DNA2: variants seen among roughly 807,000 people sequenced by gnomAD.
The protein encoded by DNA2 is DNA replication helicase/nuclease 2.
Under a neutral mutation model 119.1 loss-of-function variants are expected in DNA2, and 101 were observed. That is an observed-to-expected ratio of 0.85 (90% CI 0.72 to 1.00). The LOEUF is 1.00. DNA2 is among the 50% of genes least tolerant of loss of function. The pLI, the probability that DNA2 is intolerant of heterozygous loss-of-function variation, is 0.00. For synonymous variants in DNA2, 366 were observed against 424.4 expected, an observed-to-expected ratio of 0.86 and a Z score of 1.69; for missense variants, 1,121 against 1,255.5, an observed-to-expected ratio of 0.89 and a Z score of 1.62.
intron 7 of DNA2, among the ~76,000 whole-genome samples, chr10:68,446,034 G>A (rs939384748): frequency 6.6e-6 from 1 of 152,052 alleles, no homozygotes; most frequent in African/African-American, 2.4e-5. Flanking sequence ...TGAGGCAGGA[G>A]AATCGATTCA....
At chr10:68,464,949 T>G (rs2052309431) in intron 4 of DNA2, among the ~76,000 whole-genome samples, 1 of 151,348 alleles carries the variant, frequency 6.6e-6, no homozygotes, top group South Asian at 2.1e-4. Context: ...GCCCAGTCGT[T>G]TGAGTACAGC....
In DNA2 at chr10:68,445,150, T is replaced by C. The variant is rs1590063575; in HGVS notation, c.1058-67A>G. ...AGTTTATCATGTCTTTTTCACTACA[T>C]ATGTAAAACTTGCAGATTTAAAAAC... On this transcript the variant is annotated intron_variant, in intron 7 of 20. Transcript: ENST00000358410. 1.5e-5 allele frequency: 21 copies of C among 1,400,142 alleles called. No homozygotes were observed. In the East Asian group the frequency reaches 4.4e-4, roughly 29 times the overall value. 86.7% of individuals were successfully genotyped at this position (1,400,142 alleles called of 1,614,324 possible).
intron 9 of DNA2, among the ~76,000 whole-genome samples, chr10:68,439,326 G>A (rs1008974828): frequency 1.3e-5 from 2 of 151,848 alleles, no homozygotes; most frequent in African/African-American, 2.4e-5. Flanking sequence ...CCTCGGAGGC[G>A]GAGGTTGTGG....
chr10:68,425,809 CA>C (rs59128210), intron 14 of DNA2, among the ~76,000 whole-genome samples: 7 of 144,546 alleles, frequency 4.8e-5, no homozygotes, highest in Non-Finnish European at 7.6e-5. Context: ...TTTCATAATT[CA>C]AAAAAAAAAC....
chr10:68,436,096 A>C (rs2133385200), intron 10 of DNA2, among the ~76,000 whole-genome samples: 1 of 152,344 alleles, frequency 6.6e-6, no homozygotes, highest in East Asian at 1.9e-4. Context: ...AAATGAAAGT[A>C]TGTCTACCTA....
chr10:68,465,053 T>C (rs71493814), intron 4 of DNA2, among the ~76,000 whole-genome samples: 25,319 of 147,890 alleles, frequency 0.17, 2,675 homozygotes, highest in African/African-American at 0.3. Context: ...GAGTCTTGCT[T>C]TGTCACCCAG....
chr10:68,471,961 A>G lies in DNA2; in HGVS notation c.-97T>C, dbSNP rs1449701672. 1.9e-6 allele frequency: 3 copies of G among 1,612,384 alleles called. No homozygotes were observed. The highest frequency in any genetic ancestry group is 1.7e-5 in the Admixed American group (1 of 59,970). On this transcript the variant is annotated 5_prime_UTR_variant, in exon 1 of 21. Transcript: ENST00000358410. ...AAGGGAAAAAGGCGCGAGCCTGCGC[A>G]CCTCGCGCGCATGCGCCAACCCGCA...
rs535211389 is a variant in DNA2 at position 68,468,031 on chromosome 10, G to C, written c.441+92C>G. 844 of 971,156 alleles carry C rather than the reference G, an allele frequency of 8.7e-4. 4 individuals carry two copies. In the Middle Eastern group the frequency reaches 9.1e-3, roughly 10 times the overall value. 60.2% of individuals were successfully genotyped at this position (971,156 alleles called of 1,614,324 possible). ...TAATTAATACCATTTATTTTATAGG[G>C]TTGCTGGGAGGATTAAGTGAAATAA... On this transcript the variant is annotated intron_variant, in intron 3 of 20. Coordinates refer to ENST00000358410, the MANE Select transcript of DNA2 (RefSeq NM_001080449.3).
upstream of DNA2, chr10:68,472,066 G>A (rs779978506): frequency 1.3e-6 from 2 of 1,590,862 alleles, no homozygotes; most frequent in South Asian, 1.1e-5. Flanking sequence ...GAGCAGCAGG[G>A]CTCTGTCCCC....
At chr10:68,429,711 C>CA (rs1165329779) in intron 14 of DNA2, among the ~76,000 whole-genome samples, 23,465 of 40,526 alleles carry the variant, frequency 0.58, 8,198 homozygotes, top group Non-Finnish European at 0.7. Context: ...GACTCCATCT[C>CA]AAAAAAAAAA....
chr10:68,451,962 T>TA (rs75679260), intron 5 of DNA2, among the ~76,000 whole-genome samples: 66 of 148,508 alleles, frequency 4.4e-4, no homozygotes, highest in South Asian at 6.4e-4. Flanking sequence ...TAATTTTTTA[T>TA]AAAAAAAAAA....
At chr10:68,448,968 C>CGTGTGT (rs59756256) in intron 6 of DNA2, among the ~76,000 whole-genome samples, 4,777 of 109,300 alleles carry the variant, frequency 0.044, 126 homozygotes, top group South Asian at 0.081. Flanking sequence ...TGTGTGTGTG[C>CGTGTGT]GTGTGTGTGT....
intron 3 of DNA2, among the ~76,000 whole-genome samples, chr10:68,466,575 T>A: frequency 6.9e-6 from 1 of 144,278 alleles, no homozygotes; most frequent in Non-Finnish European, 1.5e-5. Context: ...TGTATTAGCC[T>A]AGACCTTTTT....
chr10:68,454,888 A>G (rs2052164151), intron 5 of DNA2, among the ~76,000 whole-genome samples: 1 of 151,730 alleles, frequency 6.6e-6, no homozygotes, highest in Admixed American at 6.6e-5. Flanking sequence ...AGGGAGGAGG[A>G]AGGAGGGTAA....
intron 3 of DNA2, 43 bp downstream of exon 3, chr10:68,468,070 GCTCTGTAAAA>G: frequency 2.3e-6 from 3 of 1,280,842 alleles, no homozygotes; most frequent in Non-Finnish European, 3.1e-6. Flanking sequence ...ATGTAAAAGT[GCTCTGTAAAA>G]CTCTCAGACC....
intron 9 of DNA2, among the ~76,000 whole-genome samples, chr10:68,440,459 A>C (rs2051953690): frequency 6.6e-6 from 1 of 151,766 alleles, no homozygotes; most frequent in Non-Finnish European, 1.5e-5. Context: ...CACCATGCCC[A>C]GCTAATATTT....
rs565615052 is a variant in DNA2, at chr10:68,466,706, G to C, written c.442-894C>G. Among the ~76,000 whole-genome samples the C allele has an allele frequency of 2.6e-3, 398 of 151,758 alleles. 4 individuals carry two copies. Among genetic ancestry groups the C allele is most frequent in the African/African-American group, 8.9e-3 (369 of 41,390 alleles). On this transcript the variant is annotated intron_variant, in intron 3 of 20. Transcript: ENST00000358410. Reference sequence around the variant, plus strand: ...CCATTCTCCTGCCTCAGCCTCCCGAGTAGCTGGGACTACAGGCGCCCGCCA... The same window carrying C: ...CCATTCTCCTGCCTCAGCCTCCCGACTAGCTGGGACTACAGGCGCCCGCCA...
chr10:68,465,523 G>A, intron 4 of DNA2, 144 bp downstream of exon 4: 1 of 633,118 alleles, frequency 1.6e-6, no homozygotes, highest in Non-Finnish European at 2.3e-6. Context: ...TCTTCACAGA[G>A]TTCCAACAAT....
At chr10:68,469,062 C>T (rs2052357319) in intron 2 of DNA2, among the ~76,000 whole-genome samples, 1 of 152,052 alleles carries the variant, frequency 6.6e-6, no homozygotes, top group Non-Finnish European at 1.5e-5. Flanking sequence ...AAAACCACAA[C>T]AACAAAAAAC....
Sources: gnomAD v4.1 joint callset for allele counts (sites outside exome capture counted in the v4.1 genomes callset) on GRCh38, gnomAD v4.1.1 for gene constraint, MANE v1.5 for transcripts, NCBI Gene and HGNC (gene_info 2026-07-23, HGNC 2026-07-21) for gene names.